The following BACH2 variants were observed in gnomAD, a reference collection of about 807,000 sequenced individuals.
BACH2 encodes the protein BACH transcriptional regulator 2.
A neutral mutation model predicts 61.8 loss-of-function variants in BACH2; 5 were observed. The ratio of observed to expected loss-of-function variants is 0.08; its 90% CI spans 0.04 to 0.17. The LOEUF is 0.17. Among genes scored for constraint, BACH2 ranks in the 10% least tolerant of loss-of-function variants. The pLI, the probability that BACH2 is intolerant of heterozygous loss-of-function variation, is 1.00. For synonymous variants in BACH2, 446 were observed against 440.1 expected (o/e 1.01, Z -0.17); for missense variants, 824 against 1,091.1 (o/e 0.76, Z 3.45).
chr6:90,204,408 T>C (rs1001264353), intron 4 of BACH2, among the ~76,000 whole-genome samples: 3 of 152,204 alleles, frequency 2.0e-5, no homozygotes, highest in African/African-American at 7.2e-5. Context: ...ACCTATTCTT[T>C]GTCTTATGCC....
At chr6:90,003,530 C>G (rs147263209) in intron 6 of BACH2, among the ~76,000 whole-genome samples, 8 of 152,168 alleles carry the variant, frequency 5.3e-5, no homozygotes, top group African/African-American at 1.9e-4. Flanking sequence ...CTCCTCCCCA[C>G]TGGAATGTGA....
At chr6:89,958,648 C>T (rs148416662) in intron 6 of BACH2, among the ~76,000 whole-genome samples, 37 of 152,240 alleles carry the variant, frequency 2.4e-4, no homozygotes, top group African/African-American at 6.5e-4. Context: ...CACCTGAGTA[C>T]GTAACAGAGG....
intron 4 of BACH2, among the ~76,000 whole-genome samples, chr6:90,123,349 C>T (rs1404779417): frequency 2.6e-5 from 4 of 152,182 alleles, no homozygotes; most frequent in Non-Finnish European, 4.4e-5. Flanking sequence ...GGCCCTGAAA[C>T]ACCTTGATTT....
chr6:89,986,705 T>G (rs1776261016), intron 6 of BACH2, among the ~76,000 whole-genome samples: 1 of 152,144 alleles, frequency 6.6e-6, no homozygotes, highest in African/African-American at 2.4e-5. Context: ...ATTGTATACT[T>G]GATCTTTCTG....
At chr6:90,170,042 T>C (rs1211713306) in intron 4 of BACH2, among the ~76,000 whole-genome samples, 1 of 152,224 alleles carries the variant, frequency 6.6e-6, no homozygotes, top group African/African-American at 2.4e-5. Flanking sequence ...ATTTACTTTC[T>C]TACTAAACAA....
chr6:90,195,709 A>G (rs540146340), intron 4 of BACH2, among the ~76,000 whole-genome samples: 1 of 152,194 alleles, frequency 6.6e-6, no homozygotes, highest in Non-Finnish European at 1.5e-5. Context: ...TTCTAAGAGC[A>G]TCTGCTTCTT....
chr6:90,053,791 G>T (rs1167298657), intron 5 of BACH2, among the ~76,000 whole-genome samples: 1 of 152,220 alleles, frequency 6.6e-6, no homozygotes, highest in Non-Finnish European at 1.5e-5. Context: ...TCTGCTGTCA[G>T]TCTAAGTATT....
At chr6:90,208,237 A>G (rs1769218277) in intron 3 of BACH2, among the ~76,000 whole-genome samples, 1 of 152,256 alleles carries the variant, frequency 6.6e-6, no homozygotes, top group Non-Finnish European at 1.5e-5. Context: ...GCTTCTGCAC[A>G]GCAAAAGAAA....
At chr6:90,166,930 T>C (rs1161739750) in intron 4 of BACH2, among the ~76,000 whole-genome samples, 5 of 150,284 alleles carry the variant, frequency 3.3e-5, no homozygotes, top group Admixed American at 6.6e-5. Context: ...GGGGGAGGAA[T>C]AGTATTAGGA....
chr6:90,140,785 A>G (rs1157727363), intron 4 of BACH2, among the ~76,000 whole-genome samples: 1 of 152,260 alleles, frequency 6.6e-6, no homozygotes, highest in African/African-American at 2.4e-5. Flanking sequence ...CAAGGGAATG[A>G]TAATTGAATA....
At chr6:90,196,555 G>A (rs1768763841) in intron 4 of BACH2, among the ~76,000 whole-genome samples, 1 of 152,034 alleles carries the variant, frequency 6.6e-6, no homozygotes, top group Admixed American at 6.6e-5. Context: ...CGTAATCCCA[G>A]CCTAGAGCTG....
intron 1 of BACH2, among the ~76,000 whole-genome samples, chr6:90,284,375 C>T (rs1272944886): frequency 2.0e-5 from 3 of 152,188 alleles, no homozygotes; most frequent in Admixed American, 1.3e-4. Flanking sequence ...TCCTCTGACT[C>T]GCATTTTCTG....
chr6:90,214,571 T>C (rs1769465426), intron 3 of BACH2, among the ~76,000 whole-genome samples: 1 of 152,118 alleles, frequency 6.6e-6, no homozygotes, highest in Admixed American at 6.5e-5. Context: ...GGACAAGCTA[T>C]AAGTAGGATG....
At chr6:90,284,110 A>T (rs975726307) in intron 1 of BACH2, among the ~76,000 whole-genome samples, 4 of 152,234 alleles carry the variant, frequency 2.6e-5, no homozygotes, top group African/African-American at 9.6e-5. Context: ...AGTTGCTTTG[A>T]CTATAAAATA....
At chr6:90,225,278 G>A (rs1374913896) in intron 3 of BACH2, among the ~76,000 whole-genome samples, 2 of 152,166 alleles carry the variant, frequency 1.3e-5, no homozygotes, top group African/African-American at 2.4e-5. Flanking sequence ...CTACTCGGGA[G>A]GCTGATGGGG....
At position 90,170,096 on chromosome 6, in the gene BACH2, A is replaced by T. The variant is rs972551850; in HGVS notation, c.-162+36473T>A. 5.3e-5 allele frequency among the ~76,000 whole-genome samples: 8 copies of T among 152,290 alleles called. No individual in the cohort carries two copies. In the East Asian group the frequency reaches 1.2e-3, roughly 22 times the overall value. ...AACACTTTTTTTTTCTAATTTAGAA[A>T]CTTCTACAAATGTATACATCAATTG... On this transcript the variant is annotated intron_variant, in intron 4 of 8. Coordinates refer to ENST00000257749, the MANE Select transcript of BACH2 (RefSeq NM_021813.4).
At chr6:90,099,930 T>C (rs1782544233) in intron 4 of BACH2, among the ~76,000 whole-genome samples, 1 of 152,174 alleles carries the variant, frequency 6.6e-6, no homozygotes, top group Non-Finnish European at 1.5e-5. Flanking sequence ...TAGTTACTCT[T>C]CATTTCCTTT....
intron 3 of BACH2, among the ~76,000 whole-genome samples, chr6:90,246,760 A>G (rs1207131270): frequency 6.6e-6 from 1 of 152,232 alleles, no homozygotes; most frequent in Non-Finnish European, 1.5e-5. Context: ...TTACAAAATC[A>G]TATTTCAAAA....
chr6:90,092,972 A>G (rs1782236207), intron 4 of BACH2, among the ~76,000 whole-genome samples: 1 of 152,184 alleles, frequency 6.6e-6, no homozygotes, highest in Admixed American at 6.5e-5. Flanking sequence ...TGAGGCCTGC[A>G]GTGCTGGCGC....
Sources: allele counts gnomAD v4.1 joint callset (sites outside exome capture counted in the v4.1 genomes callset), GRCh38; gene constraint gnomAD v4.1.1; transcripts MANE v1.5; gene names NCBI Gene and HGNC (gene_info 2026-07-23, HGNC 2026-07-21).